Variants in PDE1C observed in about 807,000 individuals in gnomAD.
PDE1C encodes phosphodiesterase 1C.
Under a neutral mutation model 93.1 loss-of-function variants are expected in PDE1C, and 62 were observed. The observed-to-expected ratio is 0.67, with a 90% CI of 0.54 to 0.82. The LOEUF is 0.82. PDE1C is among the 40% of genes least tolerant of loss of function. The pLI is 0.00. For synonymous variants in PDE1C, 325 were observed against 310.1 expected (o/e 1.05, Z -0.50); for missense variants, 742 against 884.6 (o/e 0.84, Z 2.04).
intron 2 of PDE1C, among the ~76,000 whole-genome samples, chr7:31,922,685 C>T (rs1372411525): frequency 6.6e-6 from 1 of 152,052 alleles, no homozygotes; most frequent in African/African-American, 2.4e-5. Context: ...GAACTGCATC[C>T]TGTTTATGCA....
chr7:32,416,886 C>T (rs532665242), intron 1 of PDE1C, among the ~76,000 whole-genome samples: 1 of 152,190 alleles, frequency 6.6e-6, no homozygotes, highest in South Asian at 2.1e-4. Context: ...GAGAAATTGC[C>T]AACAGTAAAA....
chr7:32,080,183 G>A (rs76577114), intron 3 of PDE1C, among the ~76,000 whole-genome samples: 13,494 of 152,058 alleles, frequency 0.089, 735 homozygotes, highest in African/African-American at 0.14. Flanking sequence ...GAGGCAGGCG[G>A]GTGGGGACAA....
intron 2 of PDE1C, among the ~76,000 whole-genome samples, chr7:31,958,921 C>T (rs1255693138): frequency 6.6e-6 from 1 of 152,152 alleles, no homozygotes; most frequent in Admixed American, 6.5e-5. Flanking sequence ...CGTAGATTTT[C>T]TCAGAACTTT....
At chr7:31,993,187 T>C (rs1374510748) in intron 2 of PDE1C, among the ~76,000 whole-genome samples, 1 of 152,232 alleles carries the variant, frequency 6.6e-6, no homozygotes, top group Non-Finnish European at 1.5e-5. Flanking sequence ...CTCAGCTTTC[T>C]CTCAGAGAAT....
chr7:32,027,426 G>T (rs978103650), intron 2 of PDE1C, among the ~76,000 whole-genome samples: 1 of 151,916 alleles, frequency 6.6e-6, no homozygotes, highest in Non-Finnish European at 1.5e-5. Flanking sequence ...GGTGTATTGT[G>T]TGGGTTTCTG....
intron 17 of PDE1C, among the ~76,000 whole-genome samples, chr7:31,771,293 C>A (rs912132535): frequency 6.6e-6 from 1 of 152,168 alleles, no homozygotes; most frequent in African/African-American, 2.4e-5. Context: ...TTGCCTTTGG[C>A]CAGACCATTT....
intron 9 of PDE1C, among the ~76,000 whole-genome samples, chr7:31,846,066 T>C (rs1792535662): frequency 6.6e-6 from 1 of 152,032 alleles, no homozygotes; most frequent in African/African-American, 2.4e-5. Flanking sequence ...CATCATGGTT[T>C]TGAAGGATTT....
chr7:32,360,495 T>C (rs1409170467), intron 1 of PDE1C, among the ~76,000 whole-genome samples: 20 of 152,234 alleles, frequency 1.3e-4, no homozygotes, highest in Admixed American at 1.3e-3. Context: ...GTGGAGAGTG[T>C]GCAGCGCTGC....
At chr7:32,408,449 G>A (rs1381800548) in intron 1 of PDE1C, among the ~76,000 whole-genome samples, 1 of 152,192 alleles carries the variant, frequency 6.6e-6, no homozygotes, top group Non-Finnish European at 1.5e-5. Flanking sequence ...AATATCTGGT[G>A]GTGGAGCTTA....
intron 1 of PDE1C, among the ~76,000 whole-genome samples, chr7:32,321,476 G>A (rs932884490): frequency 2.0e-5 from 3 of 152,166 alleles, no homozygotes; most frequent in African/African-American, 4.8e-5. Context: ...ACTTTTGGGT[G>A]GCTGTGGGAG....
At chr7:31,936,245 TG>T (rs1459138730) in intron 2 of PDE1C, among the ~76,000 whole-genome samples, 1 of 152,186 alleles carries the variant, frequency 6.6e-6, no homozygotes, top group African/African-American at 2.4e-5. Context: ...ACCTATCATG[TG>T]GGTTGGGATA....
At chr7:32,238,293 T>C (rs117537409) in intron 1 of PDE1C, among the ~76,000 whole-genome samples, 2 of 152,194 alleles carry the variant, frequency 1.3e-5, no homozygotes, top group African/African-American at 4.8e-5. Flanking sequence ...ATCTAGCTAA[T>C]GCATCAAAAC....
At chr7:31,824,612 A>C (rs1789424980) in intron 13 of PDE1C, among the ~76,000 whole-genome samples, 1 of 152,120 alleles carries the variant, frequency 6.6e-6, no homozygotes, top group Non-Finnish European at 1.5e-5. Flanking sequence ...TGCAGCAAAT[A>C]GGGTGGCAGG....
chr7:31,805,426 C>G (rs1365696950), intron 16 of PDE1C, among the ~76,000 whole-genome samples: 1 of 151,840 alleles, frequency 6.6e-6, no homozygotes, highest in Non-Finnish European at 1.5e-5. Context: ...TACTATTGTA[C>G]TCTTATATTC....
In PDE1C at chr7:32,270,328, C is replaced by T. The variant is rs754743038; in HGVS notation, c.85+28323G>A. Among the ~76,000 whole-genome samples, 23 of 150,564 alleles carry T rather than the reference C, an allele frequency of 1.5e-4. 1 individual carries two copies. Among genetic ancestry groups the T allele is most frequent in the South Asian group, 1.1e-3 (5 of 4,752 alleles). On this transcript the variant is annotated intron_variant, in intron 1 of 18. Transcript: ENST00000396193. Reference sequence around the variant, plus strand: ...CTCTTTTTACAATAAACAAGTAGCACTGGGTGATATAAAAGGAAAAATCTG... The same window carrying T: ...CTCTTTTTACAATAAACAAGTAGCATTGGGTGATATAAAAGGAAAAATCTG...
chr7:31,822,171 C>T (rs1010224417), intron 14 of PDE1C, among the ~76,000 whole-genome samples: 2 of 151,988 alleles, frequency 1.3e-5, no homozygotes, highest in African/African-American at 2.4e-5. Context: ...CCCTGGGCAC[C>T]GGGCACAACC....
intron 16 of PDE1C, among the ~76,000 whole-genome samples, chr7:31,804,066 A>AT (rs1786461039): frequency 6.6e-6 from 1 of 151,600 alleles, no homozygotes; most frequent in Admixed American, 6.6e-5. Flanking sequence ...ATGCCTGGTA[A>AT]TTTTTTATTG....
intron 1 of PDE1C, among the ~76,000 whole-genome samples, chr7:32,311,728 T>A (rs2128904738): frequency 6.6e-6 from 1 of 152,176 alleles, no homozygotes; most frequent in South Asian, 2.1e-4. Flanking sequence ...AAACTCTCAA[T>A]AAATTAGGTA....
intron 17 of PDE1C, among the ~76,000 whole-genome samples, chr7:31,770,536 G>C (rs1293731828): frequency 6.6e-6 from 1 of 151,992 alleles, no homozygotes; most frequent in Non-Finnish European, 1.5e-5. Context: ...TTCTGAGACG[G>C]AGTCTCGCTC....
Sources: gnomAD v4.1 joint callset for allele counts (sites outside exome capture counted in the v4.1 genomes callset) on GRCh38, gnomAD v4.1.1 for gene constraint, MANE v1.5 for transcripts, NCBI Gene and HGNC (gene_info 2026-07-23, HGNC 2026-07-21) for gene names.